Variants in C8A observed in about 807,000 individuals in gnomAD.
C8A encodes complement C8 alpha chain, also known as complement component C8 alpha chain.
In C8A, 67 loss-of-function variants were observed where a neutral mutation model predicts 65.3. The ratio of observed to expected loss-of-function variants is 1.03; its 90% CI spans 0.84 to 1.26. The LOEUF (loss-of-function observed/expected upper bound fraction) is 1.26, where lower values mean the gene tolerates loss of function less well. Among genes scored for constraint, C8A ranks in the 50% most tolerant of loss-of-function variants. C8A has a pLI of 0.00. For missense variants in C8A, 781 were observed against 723.9 expected (o/e 1.08, Z -0.90); for synonymous variants, 290 against 259.4 (o/e 1.12, Z -1.13).
chr1:56,911,489 C>T (rs1377250469), intron 9 of C8A, among the ~76,000 whole-genome samples: 1 of 152,192 alleles, frequency 6.6e-6, no homozygotes, highest in East Asian at 1.9e-4. Context: ...CCTTGTGCTT[C>T]ATCTACTACT....
rs373746968 is a variant in C8A, at chr1:56,917,764, G to A, written c.*48G>A. 6.2e-7 allele frequency: 1 copy of A among 1,606,848 alleles called. No homozygotes were observed. Among genetic ancestry groups the A allele is most frequent in the African/African-American group, 1.3e-5 (1 of 74,862 alleles). Reference sequence around the variant, plus strand: ...CCAGATGCTGTGGATGTCGACCCCTGCACTGACTATTGGATAAAGACTTCT... The same window carrying A: ...CCAGATGCTGTGGATGTCGACCCCTACACTGACTATTGGATAAAGACTTCT... On this transcript the variant is annotated 3_prime_UTR_variant, in exon 11 of 11. Coordinates refer to ENST00000361249, the MANE Select transcript of C8A (RefSeq NM_000562.3).
chr1:56,887,671 G>C (rs892115595), intron 7 of C8A, among the ~76,000 whole-genome samples: 2 of 152,102 alleles, frequency 1.3e-5, no homozygotes, highest in African/African-American at 2.4e-5. Flanking sequence ...CTACTATAAA[G>C]ACAGATGCAC....
intron 4 of C8A, among the ~76,000 whole-genome samples, chr1:56,879,066 A>C (rs932125632): frequency 3.9e-5 from 6 of 152,320 alleles, no homozygotes; most frequent in Non-Finnish European, 7.4e-5. Flanking sequence ...CTATTCTTAC[A>C]AATAAAGTTT....
chr1:56,867,585 T>C, intron 1 of C8A, 24 bp from the exon 2 acceptor site: 2 of 1,564,662 alleles, frequency 1.3e-6, no homozygotes, highest in South Asian at 1.1e-5. Context: ...TCAAAATTGA[T>C]GCATGGATCT....
chr1:56,900,436 G>A (rs1008484286), intron 7 of C8A, among the ~76,000 whole-genome samples: 19 of 152,176 alleles, frequency 1.2e-4, no homozygotes, highest in African/African-American at 3.4e-4. Flanking sequence ...TTGGGAGTAT[G>A]AGGCAGAAAG....
intron 4 of C8A, among the ~76,000 whole-genome samples, chr1:56,880,837 G>C (rs978151571): frequency 6.6e-6 from 1 of 152,124 alleles, no homozygotes; most frequent in African/African-American, 2.4e-5. Context: ...TTTAAGAACT[G>C]CTTTTTACAA....
intron 2 of C8A, among the ~76,000 whole-genome samples, chr1:56,870,353 C>G (rs935864769): frequency 6.6e-6 from 1 of 152,038 alleles, no homozygotes; most frequent in Non-Finnish European, 1.5e-5. Context: ...TAATATTTGC[C>G]TCTTCCAGCT....
intron 8 of C8A, among the ~76,000 whole-genome samples, chr1:56,907,666 A>G (rs1173976597): frequency 1.3e-5 from 2 of 152,176 alleles, no homozygotes; most frequent in South Asian, 2.1e-4. Context: ...GTAAGAATGA[A>G]TGAGTGAATG....
intron 7 of C8A, among the ~76,000 whole-genome samples, chr1:56,904,768 C>T (rs745640298): frequency 1.3e-4 from 20 of 152,196 alleles, no homozygotes; most frequent in Non-Finnish European, 2.8e-4. Flanking sequence ...TTGTAAGTCA[C>T]AGACTCCCCT....
At chr1:56,891,781 C>G (rs563375979) in intron 7 of C8A, among the ~76,000 whole-genome samples, 4 of 152,104 alleles carry the variant, frequency 2.6e-5, no homozygotes, top group Non-Finnish European at 5.9e-5. Context: ...CCTGAAGGTG[C>G]CAGCTTCATG....
chr1:56,869,966 A>T (rs921667327), intron 2 of C8A, among the ~76,000 whole-genome samples: 17 of 152,160 alleles, frequency 1.1e-4, no homozygotes, highest in African/African-American at 4.1e-4. Context: ...AGAAACACAC[A>T]CAATTTTGAC....
intron 1 of C8A, among the ~76,000 whole-genome samples, chr1:56,863,162 G>A (rs1326447410): frequency 6.6e-6 from 1 of 152,144 alleles, no homozygotes; most frequent in African/African-American, 2.4e-5. Flanking sequence ...ATTAATGACA[G>A]TAAAATTTGG....
intron 4 of C8A, among the ~76,000 whole-genome samples, chr1:56,880,048 G>C (rs1367957028): frequency 6.6e-6 from 1 of 152,150 alleles, no homozygotes; most frequent in Non-Finnish European, 1.5e-5. Context: ...CAACATTTGA[G>C]TTGGCTCCTT....
intron 7 of C8A, among the ~76,000 whole-genome samples, chr1:56,903,669 A>T (rs924544594): frequency 6.6e-6 from 1 of 152,204 alleles, no homozygotes; most frequent in Non-Finnish European, 1.5e-5. Context: ...AAAGGTATCA[A>T]CTGAGACAGG....
At chr1:56,885,832 G>A (rs536090836) in intron 6 of C8A, 95 bp from the exon 7 acceptor site, 7 of 1,551,002 alleles carry the variant, frequency 4.5e-6, no homozygotes, top group Admixed American at 3.4e-5. Context: ...TTACAGGCAT[G>A]AGCCACTGCA....
At chr1:56,908,636 G>A (rs948382479) in intron 9 of C8A, among the ~76,000 whole-genome samples, 1 of 152,100 alleles carries the variant, frequency 6.6e-6, no homozygotes, top group South Asian at 2.1e-4. Flanking sequence ...GGTTGGACTT[G>A]GACCCAGGCT....
chr1:56,894,324 T>G (rs182881691), intron 7 of C8A, among the ~76,000 whole-genome samples: 13 of 152,268 alleles, frequency 8.5e-5, no homozygotes, highest in Non-Finnish European at 4.4e-5. Flanking sequence ...TCAAGGTCAT[T>G]CATTTCTGTC....
At chr1:56,901,313 C>T (rs894551706) in intron 7 of C8A, among the ~76,000 whole-genome samples, 8 of 152,152 alleles carry the variant, frequency 5.3e-5, no homozygotes, top group Non-Finnish European at 1.0e-4. Context: ...TAATGAACTA[C>T]ACCTGCTGTT....
chr1:56,891,101 G>A (rs564256877), intron 7 of C8A, among the ~76,000 whole-genome samples: 6 of 152,090 alleles, frequency 3.9e-5, no homozygotes, highest in Non-Finnish European at 5.9e-5. Flanking sequence ...GTAACTTCAG[G>A]GGGTGAGGGA....
Sources: allele counts gnomAD v4.1 joint callset (sites outside exome capture counted in the v4.1 genomes callset), GRCh38; gene constraint gnomAD v4.1.1; transcripts MANE v1.5; gene names NCBI Gene and HGNC (gene_info 2026-07-23, HGNC 2026-07-21).